The following SLC44A2 variants were observed in gnomAD, a reference collection of about 807,000 sequenced individuals.
The protein encoded by SLC44A2 is choline transporter-like protein 2.
Under a neutral mutation model 90.8 loss-of-function variants are expected in SLC44A2, and 57 were observed. That is an observed-to-expected ratio of 0.63 (90% confidence interval 0.51 to 0.78). SLC44A2 has a LOEUF of 0.78. Among genes scored for constraint, SLC44A2 ranks in the 30% least tolerant of loss-of-function variants. SLC44A2 has a pLI of 0.00. For missense variants in SLC44A2, 794 were observed against 919.7 expected (o/e 0.86, Z 1.77); for synonymous variants, 355 against 360.7 (o/e 0.98, Z 0.18).
At chr19:10,634,137 A>ATTTTTTTTTTTT (rs1177075276) in intron 10 of SLC44A2, among the ~76,000 whole-genome samples, 271 of 80,306 alleles carry the variant, frequency 3.4e-3, no homozygotes, top group Middle Eastern at 0.011. Flanking sequence ...CGCCCAGCTA[A>ATTTTTTTTTTTT]TTTTTTTTTT....
chr19:10,629,816 C>T (rs964416065), intron 4 of SLC44A2, among the ~76,000 whole-genome samples: 1 of 151,196 alleles, frequency 6.6e-6, no homozygotes, highest in Non-Finnish European at 1.5e-5. Flanking sequence ...TGCAATGGTG[C>T]GATCTTGGCT....
At chr19:10,636,831 C>T in intron 16 of SLC44A2, 75 bp downstream of exon 16, 1 of 1,458,102 alleles carries the variant, frequency 6.9e-7, no homozygotes, top group Middle Eastern at 1.7e-4. Flanking sequence ...TTGGGTCTTG[C>T]TTGGAGGTGG....
In SLC44A2 at chr19:10,633,828, TA is replaced by T. The variant is rs539950815; in HGVS notation, c.824-924del. Among the ~76,000 whole-genome samples the T allele has an allele frequency of 1.3e-4, 20 of 152,296 alleles. No homozygotes were observed. In the South Asian group the frequency reaches 4.1e-3, roughly 32 times the overall value. ...CAATCCAATTTGAGGACACTCATAG[TA>T]AAATATTCATATTAATAGTGGTTTC... On this transcript the variant is annotated intron_variant, in intron 10 of 21. Transcript: ENST00000335757.
chr19:10,638,104 C>T lies in SLC44A2; in HGVS notation c.1840+11C>T, dbSNP rs755388928. On this transcript the variant is annotated intron_variant, in intron 19 of 21. Coordinates refer to ENST00000335757, the MANE Select transcript of SLC44A2 (RefSeq NM_020428.4). ...TCGTTGGTAGTGTGGGTGAGTGCCG[C>T]CCACCTAGCCTCTCGGGGTGTGGGA... 9.9e-6 allele frequency: 16 copies of T among 1,613,784 alleles called. No homozygotes were observed. The South Asian group carries it at 1.8e-4, about 18-fold the overall frequency.
At chr19:10,641,837 C>A (rs1218311460) in intron 20 of SLC44A2, among the ~76,000 whole-genome samples, 43 of 150,426 alleles carry the variant, frequency 2.9e-4, no homozygotes, top group Admixed American at 2.7e-3. Context: ...CAGAGTGAGA[C>A]CGTGAGACCC....
intron 4 of SLC44A2, among the ~76,000 whole-genome samples, chr19:10,629,744 C>G (rs1436683259): frequency 1.3e-5 from 2 of 151,526 alleles, no homozygotes; most frequent in African/African-American, 4.9e-5. Flanking sequence ...CCTGCCTGGC[C>G]CTATATAAGA....
rs762692921 is a variant in SLC44A2 at position 10,637,884 on chromosome 19, C to T, written c.1724C>T (p.Thr575Ile). The T allele has an allele frequency of 1.2e-6, 2 of 1,614,168 alleles. No individual in the cohort carries two copies. The highest frequency in any genetic ancestry group is 1.7e-6 in the Non-Finnish European group (2 of 1,180,034). ...MIAIYGTNFC[T>I]SARNAFFLLM... The stretch of plus-strand genomic sequence containing the variant: ...GCCATCTACGGCACCAATTTCTGCA[C>T]CTCGGCCAGGAATGCCTTCTTCCTG... Residue 575 changes from threonine (T) to isoleucine (I), a missense_variant, in exon 18 of 22, where the codon ACC becomes ATC. Coordinates refer to ENST00000335757, the MANE Select transcript of SLC44A2 (RefSeq NM_020428.4).
intron 1 of SLC44A2, among the ~76,000 whole-genome samples, chr19:10,618,731 C>T (rs888774080): frequency 2.0e-5 from 3 of 151,778 alleles, no homozygotes; most frequent in African/African-American, 7.3e-5. Flanking sequence ...CGGCCATGCT[C>T]GCCTAATTTT....
At chr19:10,602,767 C>T (rs1917997770) in intron 1 of SLC44A2, among the ~76,000 whole-genome samples, 1 of 152,288 alleles carries the variant, frequency 6.6e-6, no homozygotes, top group East Asian at 1.9e-4. Context: ...GCCCCAGCTC[C>T]CCCTCCGGCT....
chr19:10,643,331 T>C lies in SLC44A2; in HGVS notation c.2067T>C (p.Ser689=). The C allele has an allele frequency of 6.2e-7, 1 of 1,612,790 alleles. No homozygotes were observed. Among genetic ancestry groups the C allele is most frequent in the South Asian group, 1.1e-5 (1 of 90,816 alleles). The change falls in exon 22 of 22, where the codon TCT becomes TCC. Residue 689 remains serine, a synonymous_variant. Transcript: ENST00000335757. ...CGGCCGAGAGGCCTTACTTCATGTC[T>C]TCCACCCTCAAGAAACTCTTGAACA... ...DGSAERPYFM[S]STLKKLLNKT... is the part of the protein sequence containing the mutation.
chr19:10,641,495 C>G, intron 20 of SLC44A2: 1 of 424,796 alleles, frequency 2.4e-6, no homozygotes, highest in South Asian at 1.7e-5. Context: ...AGCAGAAGGT[C>G]GATGGGGCAT....
intron 20 of SLC44A2, among the ~76,000 whole-genome samples, chr19:10,640,106 T>C (rs1032157895): frequency 1.8e-5 from 2 of 112,040 alleles, no homozygotes; most frequent in African/African-American, 3.6e-5. Context: ...TTTTTTTTTT[T>C]CTGCGATAGA....
At chr19:10,636,832 T>G (rs1364811621) in intron 16 of SLC44A2, 76 bp downstream of exon 16, 1 of 1,457,774 alleles carries the variant, frequency 6.9e-7, no homozygotes, top group Non-Finnish European at 9.3e-7. Flanking sequence ...TGGGTCTTGC[T>G]TGGAGGTGGG....
At chr19:10,635,097 C>T (rs751480931) in intron 12 of SLC44A2, 24 bp downstream of exon 12, 5 of 1,613,608 alleles carry the variant, frequency 3.1e-6, no homozygotes, top group Admixed American at 1.7e-5. Flanking sequence ...GTGCCAGGGG[C>T]CAGGATGGAG....
chr19:10,638,342 G>A lies in SLC44A2; in HGVS notation c.1929+27G>A, dbSNP rs1387274423. On this transcript the variant is annotated intron_variant, in intron 20 of 21. Transcript: ENST00000335757. Reference sequence around the variant, plus strand: ...TATGGACCTCTGGGGAGAGATGGGGGTTTGGGAAGAAAGAGGTGTTGGGAT... The same window carrying A: ...TATGGACCTCTGGGGAGAGATGGGGATTTGGGAAGAAAGAGGTGTTGGGAT... 8 of 1,602,238 alleles carry A rather than the reference G, an allele frequency of 5.0e-6. No homozygotes were observed. The East Asian group carries it at 1.6e-4, about 31-fold the overall frequency.
chr19:10,607,518 T>C (rs1332673525), intron 1 of SLC44A2, among the ~76,000 whole-genome samples: 1 of 40,980 alleles, frequency 2.4e-5, no homozygotes, highest in Non-Finnish European at 5.8e-5. Context: ...ACTCAACTAA[T>C]TTTTTTTTTT....
chr19:10,612,193 C>A (rs1404495711), intron 1 of SLC44A2, among the ~76,000 whole-genome samples: 1 of 151,706 alleles, frequency 6.6e-6, no homozygotes, highest in Non-Finnish European at 1.5e-5. Flanking sequence ...CATAGTGAGA[C>A]CCTGTTTCTG....
chr19:10,627,470 G>T (rs2066945957), intron 2 of SLC44A2, among the ~76,000 whole-genome samples: 1 of 152,144 alleles, frequency 6.6e-6, no homozygotes, highest in Non-Finnish European at 1.5e-5. Context: ...GAGCCCAGGA[G>T]TTCGAGGCTG....
At chr19:10,619,847 TG>T (rs2066884108) in intron 1 of SLC44A2, among the ~76,000 whole-genome samples, 1 of 151,800 alleles carries the variant, frequency 6.6e-6, no homozygotes, top group Admixed American at 6.6e-5. Flanking sequence ...CCCAGCTACT[TG>T]GGAGGCTGAG....
Sources: gnomAD v4.1 joint callset for allele counts (sites outside exome capture counted in the v4.1 genomes callset) on GRCh38, gnomAD v4.1.1 for gene constraint, MANE v1.5 for transcripts, NCBI Gene and HGNC (gene_info 2026-07-23, HGNC 2026-07-21) for gene names.